SKAP2: variants seen among roughly 807,000 people sequenced by gnomAD.
SKAP2 encodes src kinase associated phosphoprotein 2, also known as src kinase-associated phosphoprotein 2.
A neutral mutation model predicts 54.9 loss-of-function variants in SKAP2; 28 were observed. That is an observed-to-expected ratio of 0.51 (90% CI 0.38 to 0.70). The LOEUF is 0.70. Among genes scored for constraint, SKAP2 ranks in the 30% least tolerant of loss-of-function variants. The pLI is 0.00. For synonymous variants in SKAP2, 137 were observed against 134.3 expected, an observed-to-expected ratio of 1.02 and a Z score of -0.14; for missense variants, 356 against 424.1, an observed-to-expected ratio of 0.84 and a Z score of 1.41.
chr7:26,855,725 G>C (rs1162618585), intron 1 of SKAP2, among the ~76,000 whole-genome samples: 1 of 151,742 alleles, frequency 6.6e-6, no homozygotes, highest in South Asian at 2.1e-4. Context: ...ATTCCAACAA[G>C]TCCTTACAGG....
chr7:26,702,181 G>A (rs558077196), intron 9 of SKAP2, among the ~76,000 whole-genome samples: 1 of 151,862 alleles, frequency 6.6e-6, no homozygotes, highest in Non-Finnish European at 1.5e-5. Context: ...TTGAGGCAGG[G>A]TCTCACACTG....
intron 4 of SKAP2, among the ~76,000 whole-genome samples, chr7:26,811,506 T>A (rs1381789707): frequency 6.6e-6 from 1 of 152,186 alleles, no homozygotes. Context: ...TTGTCTCTGT[T>A]CCTCTTCTCT....
intron 9 of SKAP2, among the ~76,000 whole-genome samples, chr7:26,695,361 T>C (rs1786872694): frequency 6.6e-6 from 1 of 152,218 alleles, no homozygotes; most frequent in Non-Finnish European, 1.5e-5. Context: ...TATGCATTTA[T>C]ATCCATTATG....
At chr7:26,863,815 CGTGA>C (rs1390985118) in intron 1 of SKAP2, among the ~76,000 whole-genome samples, 1 of 152,100 alleles carries the variant, frequency 6.6e-6, no homozygotes, top group Admixed American at 6.5e-5. Flanking sequence ...AAGTCTTAAA[CGTGA>C]GTGAGCTGAA....
intron 3 of SKAP2, among the ~76,000 whole-genome samples, chr7:26,851,375 C>T (rs746026125): frequency 8.6e-5 from 13 of 151,782 alleles, no homozygotes; most frequent in African/African-American, 1.2e-4. Context: ...GCATGGAAGG[C>T]GGAGGTTGCA....
intron 3 of SKAP2, among the ~76,000 whole-genome samples, chr7:26,846,661 ATAG>A (rs1784927260): frequency 6.6e-6 from 1 of 152,220 alleles, no homozygotes; most frequent in African/African-American, 2.4e-5. Flanking sequence ...TTTGACTTTT[ATAG>A]AAAGTCATGG....
At chr7:26,788,021 A>G (rs139909280) in intron 4 of SKAP2, among the ~76,000 whole-genome samples, 1 of 152,288 alleles carries the variant, frequency 6.6e-6, no homozygotes, top group East Asian at 1.9e-4. Context: ...GGCAGGGGCA[A>G]ATATTCAAAT....
intron 5 of SKAP2, 117 bp downstream of exon 5, chr7:26,739,770 C>A: frequency 3.0e-6 from 2 of 669,544 alleles, no homozygotes; most frequent in South Asian, 2.0e-5. Context: ...GATTTTCTTA[C>A]AATCTTTAAA....
chr7:26,817,219 C>A (rs549762507), intron 4 of SKAP2, among the ~76,000 whole-genome samples: 10 of 152,172 alleles, frequency 6.6e-5, no homozygotes, highest in African/African-American at 2.4e-4. Context: ...CAGAGGAGTA[C>A]AGCTAGTTCA....
intron 9 of SKAP2, among the ~76,000 whole-genome samples, chr7:26,695,219 C>T (rs7802771): frequency 0.46 from 70,390 of 152,026 alleles, 17,142 homozygotes; most frequent in East Asian, 0.59. Flanking sequence ...TACTTTAAAA[C>T]ATAAAACACA....
At chr7:26,657,403 C>T in the SKAP2 span, among the ~76,000 whole-genome samples, 10 of 152,296 alleles carry the variant, frequency 6.6e-5, 1 homozygote, top group East Asian at 1.7e-3. Flanking sequence ...AATTCATATC[C>T]TGTCACTGTT....
At chr7:26,737,646 T>C (rs1442597532) in intron 6 of SKAP2, among the ~76,000 whole-genome samples, 5 of 152,186 alleles carry the variant, frequency 3.3e-5, no homozygotes, top group Non-Finnish European at 7.3e-5. Context: ...ACTTTTGCCT[T>C]TTTCTTCTTA....
intron 4 of SKAP2, among the ~76,000 whole-genome samples, chr7:26,748,937 T>C (rs1026823386): frequency 5.9e-5 from 9 of 152,120 alleles, no homozygotes; most frequent in Non-Finnish European, 1.3e-4. Context: ...TAAGCTTTAG[T>C]TTTCAAATCT....
At chr7:26,859,388 T>A (rs1233758167) in intron 1 of SKAP2, among the ~76,000 whole-genome samples, 1 of 151,984 alleles carries the variant, frequency 6.6e-6, no homozygotes, top group East Asian at 1.9e-4. Context: ...CAGAGCCAAA[T>A]GCCCAAAGTT....
At chr7:26,690,219 A>G in intron 10 of SKAP2, 66 bp downstream of exon 10, 1 of 1,163,058 alleles carries the variant, frequency 8.6e-7, no homozygotes, top group Non-Finnish European at 1.3e-6. Context: ...AACAGTAAGA[A>G]CATGGATAAA....
chr7:26,772,358 T>C (rs1783206668), intron 4 of SKAP2, among the ~76,000 whole-genome samples: 1 of 152,124 alleles, frequency 6.6e-6, no homozygotes, highest in African/African-American at 2.4e-5. Flanking sequence ...CAATAGGTAG[T>C]TTTTTGACCC....
At chr7:26,811,781 C>T (rs3801836) in intron 4 of SKAP2, among the ~76,000 whole-genome samples, 31,441 of 152,012 alleles carry the variant, frequency 0.21, 3,370 homozygotes, top group Non-Finnish European at 0.24. Flanking sequence ...TCTAATGATA[C>T]AGACTAATAA....
chr7:26,854,711 G>A (rs1044509422), intron 2 of SKAP2, 74 bp downstream of exon 2: 21 of 1,397,438 alleles, frequency 1.5e-5, no homozygotes, highest in African/African-American at 2.9e-5. Context: ...CATAATAATC[G>A]ATTTCTTATT....
At chr7:26,813,016 C>T (rs1260521342) in intron 4 of SKAP2, among the ~76,000 whole-genome samples, 1 of 152,076 alleles carries the variant, frequency 6.6e-6, no homozygotes, top group Non-Finnish European at 1.5e-5. Flanking sequence ...AAATTCTATA[C>T]TCACGCTGTA....
Sources: gnomAD v4.1 joint callset for allele counts (sites outside exome capture counted in the v4.1 genomes callset) on GRCh38, gnomAD v4.1.1 for gene constraint, MANE v1.5 for transcripts, NCBI Gene and HGNC (gene_info 2026-07-23, HGNC 2026-07-21) for gene names.